The following TMEM52B variants were observed in gnomAD, a reference collection of about 807,000 sequenced individuals.
TMEM52B encodes chromosome 12 open reading frame 59.
Under a neutral mutation model 16.1 loss-of-function variants are expected in TMEM52B, and 11 were observed. The observed-to-expected ratio is 0.68, with a 90% CI of 0.43 to 1.13. TMEM52B has a LOEUF of 1.13. Ranked by LOEUF, TMEM52B falls within the 50% of genes most tolerant of loss-of-function variation. TMEM52B has a pLI of 0.00. For missense variants in TMEM52B, 243 were observed against 230.4 expected (o/e 1.05, Z -0.35); for synonymous variants, 101 against 93.8 (o/e 1.08, Z -0.45).
At chr12:10,182,774 A>G (rs1356981746) in intron 2 of TMEM52B, among the ~76,000 whole-genome samples, 181 bp downstream of exon 2, 1 of 152,166 alleles carries the variant, frequency 6.6e-6, no homozygotes, top group African/African-American at 2.4e-5. Flanking sequence ...TAAGCACTCA[A>G]AATAACACTG....
In TMEM52B at chr12:10,189,894, A is replaced by G; in HGVS notation, c.308-2A>G. On this transcript the variant is annotated splice_acceptor_variant, in intron 4 of 4. Transcript: ENST00000543484. LOFTEE classifies it high-confidence loss of function. Reference sequence around the variant, plus strand: ...TTAGCTCTGTTCCTTCTTTCTTCACAGCTCTGCAGTCGGTGTTTGGCCCTG... The same window carrying G: ...TTAGCTCTGTTCCTTCTTTCTTCACGGCTCTGCAGTCGGTGTTTGGCCCTG... 6.2e-7 allele frequency: 1 copy of G among 1,613,456 alleles called. No homozygotes were observed. Among genetic ancestry groups the G allele is most frequent in the East Asian group, 2.2e-5 (1 of 44,872 alleles).
chr12:10,186,269 C>G (rs73056040), intron 3 of TMEM52B, 151 bp from the exon 4 acceptor site: 50,537 of 463,600 alleles, frequency 0.11, 3,230 homozygotes, highest in Non-Finnish European at 0.13. Context: ...AAGCAAAAGC[C>G]TTGAAATTAA....
At chr12:10,184,232 T>C (rs1948854728) in intron 2 of TMEM52B, among the ~76,000 whole-genome samples, 1 of 152,200 alleles carries the variant, frequency 6.6e-6, no homozygotes, top group African/African-American at 2.4e-5. Context: ...CCCACATGCT[T>C]TGCTCTACGC....
intron 4 of TMEM52B, among the ~76,000 whole-genome samples, chr12:10,188,090 A>G: frequency 1.3e-5 from 2 of 150,926 alleles, no homozygotes; most frequent in African/African-American, 2.4e-5. Flanking sequence ...GCGACAGAGA[A>G]AGACCCTGTC....
rs75289817 is a variant in TMEM52B at position 10,190,305 on chromosome 12, G to A, written c.*165G>A. 7.7e-4 allele frequency: 693 copies of A among 896,174 alleles called. 1 individual carries two copies. Among genetic ancestry groups the A allele is most frequent in the Non-Finnish European group, 1.0e-3 (637 of 607,530 alleles). 55.5% of individuals were successfully genotyped at this position (896,174 alleles called of 1,614,324 possible). On this transcript the variant is annotated 3_prime_UTR_variant, in exon 5 of 5. Coordinates refer to ENST00000543484, the MANE Select transcript of TMEM52B (RefSeq NM_001384896.1). Reference sequence around the variant, plus strand: ...TCGTTCACAGGCCTTTATATCTTCCGATACAGAATGCTCTAATTGGGAACT... The same window carrying A: ...TCGTTCACAGGCCTTTATATCTTCCAATACAGAATGCTCTAATTGGGAACT...
intron 1 of TMEM52B, chr12:10,172,090 G>A: frequency 1.2e-6 from 2 of 1,606,548 alleles, no homozygotes; most frequent in Non-Finnish European, 1.7e-6. Context: ...CCAAATTCAA[G>A]CTAAGAATGA....
chr12:10,174,012 C>T (rs571289688), intron 1 of TMEM52B, among the ~76,000 whole-genome samples: 24 of 152,180 alleles, frequency 1.6e-4, no homozygotes, highest in Admixed American at 1.2e-3. Flanking sequence ...TCTATACCCA[C>T]CAAGCAATAA....
At chr12:10,184,036 A>G (rs1948852829) in intron 2 of TMEM52B, among the ~76,000 whole-genome samples, 1 of 152,186 alleles carries the variant, frequency 6.6e-6, no homozygotes, top group Non-Finnish European at 1.5e-5. Flanking sequence ...CTCAACATCC[A>G]AGGAAAGTAG....
chr12:10,189,720 G>A (rs1354616621), intron 4 of TMEM52B, among the ~76,000 whole-genome samples, 176 bp from the exon 5 acceptor site: 1 of 152,098 alleles, frequency 6.6e-6, no homozygotes, highest in Non-Finnish European at 1.5e-5. Context: ...AGCAGAGCAG[G>A]AAGCTGGGTT....
At chr12:10,171,926 C>T in intron 1 of TMEM52B, 2 of 1,087,886 alleles carry the variant, frequency 1.8e-6, no homozygotes, top group Non-Finnish European at 1.4e-6. Flanking sequence ...CTTTCTAATC[C>T]CATTCTTCGG....
Position 10,179,417 on chromosome 12 carries a change from G to A in TMEM52B, c.-158G>A, listed in dbSNP as rs568252183. 56 of 742,916 alleles carry A rather than the reference G, an allele frequency of 7.5e-5. No homozygotes were observed. The highest frequency in any genetic ancestry group is 1.2e-4 in the Non-Finnish European group (52 of 423,178). The allele number at this position is 742,916 out of a possible 1,614,324, so 46.0% of individuals were successfully genotyped here. ...AAAATAACAGCCAGAGCGAGTAGGA[G>A]GAGACAGAGAGAACGAGAGAGAGAA... On this transcript the variant is annotated 5_prime_UTR_variant, in exon 1 of 5. Coordinates refer to ENST00000543484, the MANE Select transcript of TMEM52B (RefSeq NM_001384896.1).
At chr12:10,182,519 T>G (rs901631632) in intron 1 of TMEM52B, 31 bp from the exon 2 acceptor site, 13 of 1,532,148 alleles carry the variant, frequency 8.5e-6, no homozygotes, top group African/African-American at 1.4e-5. Context: ...CAAAACAATT[T>G]CCCTGTATAA....
chr12:10,182,605 G>A lies in TMEM52B; in HGVS notation c.98+12G>A. 4 of 1,533,116 alleles carry A rather than the reference G, an allele frequency of 2.6e-6. No homozygotes were observed. Among genetic ancestry groups the A allele is most frequent in the Non-Finnish European group, 2.6e-6 (3 of 1,145,122 alleles). 95.0% of individuals were successfully genotyped at this position (1,533,116 alleles called of 1,614,324 possible). On this transcript the variant is annotated intron_variant, in intron 2 of 4. Coordinates refer to ENST00000543484, the MANE Select transcript of TMEM52B (RefSeq NM_001384896.1). ...GGTAATCCTGAACAGTAAGTATAGAGTTCAAGCTGGGAGGAAGGAGCAACA... is the reference window on the plus strand; with the variant it reads ...GGTAATCCTGAACAGTAAGTATAGAATTCAAGCTGGGAGGAAGGAGCAACA...
intron 1 of TMEM52B, among the ~76,000 whole-genome samples, chr12:10,181,552 A>G (rs537884475): frequency 4.0e-5 from 6 of 149,202 alleles, no homozygotes; most frequent in Non-Finnish European, 8.9e-5. Flanking sequence ...CTGGTCTCGA[A>G]CTCCTGACCT....
chr12:10,179,735 AC>A (rs979074568), intron 1 of TMEM52B, 107 bp downstream of exon 1: 145 of 1,292,398 alleles, frequency 1.1e-4, no homozygotes, highest in Non-Finnish European at 1.3e-4. Flanking sequence ...CATATACAGA[AC>A]CCAGGGGGTC....
chr12:10,190,436 G>T lies in TMEM52B; in HGVS notation c.*296G>T. 2.9e-6 allele frequency: 1 copy of T among 341,272 alleles called. No individual in the cohort carries two copies. The highest frequency in any genetic ancestry group is 5.6e-6 in the Non-Finnish European group (1 of 178,446). The allele number at this position is 341,272 out of a possible 1,614,324, so 21.1% of individuals were successfully genotyped here. On this transcript the variant is annotated 3_prime_UTR_variant, in exon 5 of 5. Coordinates refer to ENST00000543484, the MANE Select transcript of TMEM52B (RefSeq NM_001384896.1). The stretch of plus-strand genomic sequence containing the variant: ...TGTCTTGAATTCCTTTAACTATTGA[G>T]TGCATATAGAATTCCTGTACCCACA...
chr12:10,191,197 C>T lies in TMEM52B; in HGVS notation c.*1057C>T, dbSNP rs1948954194. The T allele has an allele frequency of 6.6e-6, 1 of 152,040 alleles. No homozygotes were observed. Among genetic ancestry groups the T allele is most frequent in the Non-Finnish European group, 1.5e-5 (1 of 68,078 alleles). 9.4% of individuals were successfully genotyped at this position (152,040 alleles called of 1,614,324 possible). On this transcript the variant is annotated 3_prime_UTR_variant, in exon 5 of 5. Coordinates refer to ENST00000543484, the MANE Select transcript of TMEM52B (RefSeq NM_001384896.1). ...GTGACGCACATTTAGGGAAAAACTA[C>T]TCACCTTAGAAAAGTCACTGAAATC...
At chr12:10,189,302 G>A (rs912482273) in intron 4 of TMEM52B, among the ~76,000 whole-genome samples, 7 of 151,896 alleles carry the variant, frequency 4.6e-5, no homozygotes, top group African/African-American at 7.3e-5. Context: ...TCTGAAAGGG[G>A]AAAGGGCAGG....
intron 1 of TMEM52B, chr12:10,182,215 A>T (rs1948833157): frequency 2.0e-6 from 2 of 984,556 alleles, no homozygotes; most frequent in Non-Finnish European, 2.4e-6. Flanking sequence ...AGGAATTAGG[A>T]GGACAATGGC....
Sources: gnomAD v4.1 joint callset for allele counts (sites outside exome capture counted in the v4.1 genomes callset) on GRCh38, gnomAD v4.1.1 for gene constraint, MANE v1.5 for transcripts, NCBI Gene and HGNC (gene_info 2026-07-23, HGNC 2026-07-21) for gene names.